Variants in MEF2C observed in about 807,000 individuals in gnomAD.
MEF2C encodes myocyte-specific enhancer factor 2C.
In MEF2C, 6 loss-of-function variants were observed where a neutral mutation model predicts 50.5. The ratio of observed to expected loss-of-function variants is 0.12; its 90% CI spans 0.07 to 0.23. The LOEUF (loss-of-function observed/expected upper bound fraction) is 0.23. MEF2C is among the 10% of genes least tolerant of loss of function. MEF2C has a pLI of 1.00. For missense variants in MEF2C, 276 were observed against 605.0 expected (o/e 0.46, Z 5.70); for synonymous variants, 183 against 228.0 (o/e 0.80, Z 1.78).
intron 3 of MEF2C, among the ~76,000 whole-genome samples, chr5:88,799,901 C>A (rs1797635801): frequency 1.1e-5 from 1 of 94,632 alleles, no homozygotes; most frequent in Non-Finnish European, 2.7e-5. Context: ...CACACACACA[C>A]ACACACACAC....
At chr5:88,809,242 A>T (rs577308965) in intron 2 of MEF2C, among the ~76,000 whole-genome samples, 1 of 152,292 alleles carries the variant, frequency 6.6e-6, no homozygotes, top group Non-Finnish European at 1.5e-5. Flanking sequence ...CGAAGGAAAA[A>T]CAGAAATTAG....
intron 1 of MEF2C, among the ~76,000 whole-genome samples, chr5:88,864,627 C>G (rs1826657763): frequency 1.3e-5 from 2 of 151,980 alleles, no homozygotes; most frequent in Admixed American, 1.3e-4. Context: ...AGGCCTTACT[C>G]TGTCACCAGA....
intron 1 of MEF2C, among the ~76,000 whole-genome samples, chr5:88,837,002 CAAAAAAAAAAAA>C (rs10692741): frequency 1.1e-5 from 1 of 87,014 alleles, no homozygotes; most frequent in Non-Finnish European, 2.2e-5. Flanking sequence ...AGCTGTTTCT[CAAAAAAAAAAAA>C]AAAAAAAAAA....
intron 1 of MEF2C, among the ~76,000 whole-genome samples, chr5:88,897,623 C>G (rs1055931465): frequency 6.6e-6 from 1 of 152,050 alleles, no homozygotes; most frequent in African/African-American, 2.4e-5. Context: ...TTTTTTCTGG[C>G]TTTTCACTAG....
At chr5:88,813,760 AT>A (rs1460603545) in intron 2 of MEF2C, among the ~76,000 whole-genome samples, 2 of 151,912 alleles carry the variant, frequency 1.3e-5, no homozygotes, top group African/African-American at 4.8e-5. Context: ...ATAATTTTTT[AT>A]TTTTTTATTT....
chr5:88,903,731 C>T (rs1312055905), intron 1 of MEF2C, among the ~76,000 whole-genome samples: 1 of 151,610 alleles, frequency 6.6e-6, no homozygotes. Context: ...AAAAAAAAAC[C>T]TAAAAAATTG....
chr5:88,899,882 G>A (rs1210260836), intron 1 of MEF2C, among the ~76,000 whole-genome samples: 2 of 152,124 alleles, frequency 1.3e-5, no homozygotes, highest in East Asian at 3.9e-4. Flanking sequence ...TTGCTAAATG[G>A]TGTTGTTAGT....
intron 6 of MEF2C, chr5:88,746,710 C>A: frequency 1.0e-6 from 1 of 985,140 alleles, no homozygotes; most frequent in Non-Finnish European, 1.2e-6. Context: ...CGGATATATT[C>A]AGCCTGACAT....
chr5:88,748,966 A>C, intron 6 of MEF2C, 104 bp downstream of exon 6: 1 of 1,541,326 alleles, frequency 6.5e-7, no homozygotes, highest in Non-Finnish European at 8.8e-7. Context: ...CATGCCTCTC[A>C]CAGATCTCTT....
At chr5:88,774,574 G>A (rs554072264) in intron 3 of MEF2C, among the ~76,000 whole-genome samples, 3 of 152,076 alleles carry the variant, frequency 2.0e-5, no homozygotes, top group South Asian at 2.1e-4. Flanking sequence ...TGCCCGCCTC[G>A]GCCTCCCAAA....
intron 9 of MEF2C, 149 bp from the exon 10 acceptor site, chr5:88,728,777 G>C: frequency 7.2e-6 from 4 of 557,128 alleles, no homozygotes; most frequent in Non-Finnish European, 1.1e-5. Flanking sequence ...GGGAGATAAA[G>C]CATCAGCGAT....
intron 4 of MEF2C, among the ~76,000 whole-genome samples, chr5:88,759,200 T>G (rs1230565617): frequency 6.6e-6 from 1 of 152,160 alleles, no homozygotes; most frequent in Non-Finnish European, 1.5e-5. Context: ...TTGGCCCAAA[T>G]GGCGTGGCGC....
intron 4 of MEF2C, 127 bp downstream of exon 4, chr5:88,761,058 G>T: frequency 6.2e-7 from 1 of 1,613,816 alleles, no homozygotes; most frequent in African/African-American, 1.3e-5. Flanking sequence ...TTCAGTGCGT[G>T]GGGTGAGTGC....
intron 1 of MEF2C, among the ~76,000 whole-genome samples, chr5:88,845,986 T>G (rs752365971): frequency 5.3e-5 from 8 of 152,156 alleles, no homozygotes; most frequent in Non-Finnish European, 1.0e-4. Flanking sequence ...ATATGTACTT[T>G]CAGCTTATTA....
chr5:88,861,610 T>C (rs888734998), intron 1 of MEF2C, among the ~76,000 whole-genome samples: 1 of 152,140 alleles, frequency 6.6e-6, no homozygotes, highest in Non-Finnish European at 1.5e-5. Context: ...CACAGAAAGC[T>C]TTGCCTTTCT....
chr5:88,778,864 G>C (rs892252392), intron 3 of MEF2C, among the ~76,000 whole-genome samples: 3 of 152,204 alleles, frequency 2.0e-5, no homozygotes, highest in African/African-American at 7.2e-5. Flanking sequence ...TTTGCATCTT[G>C]CCAGAAAATC....
At chr5:88,770,919 T>A (rs1561930435) in intron 3 of MEF2C, among the ~76,000 whole-genome samples, 2 of 152,220 alleles carry the variant, frequency 1.3e-5, no homozygotes, top group South Asian at 4.1e-4. Flanking sequence ...AATAAAGACA[T>A]ACCAAGACTG....
chr5:88,819,974 T>C (rs1807458875), intron 2 of MEF2C, among the ~76,000 whole-genome samples: 1 of 151,982 alleles, frequency 6.6e-6, no homozygotes, highest in African/African-American at 2.4e-5. Flanking sequence ...CACTGAATAC[T>C]TGGTGTTAGG....
At chr5:88,873,112 C>T (rs1219334949) in intron 1 of MEF2C, among the ~76,000 whole-genome samples, 1 of 151,892 alleles carries the variant, frequency 6.6e-6, no homozygotes, top group East Asian at 1.9e-4. Flanking sequence ...CTTCATAGAG[C>T]AACCTAAAAG....
Sources: allele counts gnomAD v4.1 joint callset (sites outside exome capture counted in the v4.1 genomes callset), GRCh38; gene constraint gnomAD v4.1.1; transcripts MANE v1.5; gene names NCBI Gene and HGNC (gene_info 2026-07-23, HGNC 2026-07-21).